Variants in RNF157 observed in about 807,000 individuals in gnomAD.
RNF157 encodes ring finger protein 157, also known as E3 ubiquitin ligase RNF157.
A neutral mutation model predicts 88.3 loss-of-function variants in RNF157; 55 were observed. The observed-to-expected ratio is 0.62, with a 90% CI of 0.50 to 0.78. The LOEUF (loss-of-function observed/expected upper bound fraction) is 0.78. Ranked by LOEUF, RNF157 falls within the 30% of genes least tolerant of loss-of-function variation. The probability of loss-of-function intolerance (pLI) is 0.00; values close to 1 mark genes in which losing one functional copy is unlikely to be tolerated. For synonymous variants in RNF157, 334 were observed against 341.2 expected, an observed-to-expected ratio of 0.98 and a Z score of 0.23; for missense variants, 788 against 860.8, an observed-to-expected ratio of 0.92 and a Z score of 1.06.
rs867275665 is a variant in RNF157 at position 76,167,994 on chromosome 17, C to T, written c.297-197G>A. On this transcript the variant is annotated intron_variant, in intron 3 of 18. Transcript: ENST00000269391. The stretch of plus-strand genomic sequence containing the variant: ...AGGTTACTTCTGGTATCTCATAGTG[C>T]TACCACTACACCATTGTGCATTTGG... Among the ~76,000 whole-genome samples the T allele has an allele frequency of 3.3e-5, 5 of 152,302 alleles. No homozygotes were observed. In the South Asian group the frequency reaches 6.2e-4, roughly 19 times the overall value.
rs759187382 is a variant in RNF157, at chr17:76,145,327, C to T, written c.1948G>A (p.Val650Ile). ...PGAWQADDNAVSRNAQRRRLS... is the reference protein window; with the variant it reads ...PGAWQADDNAISRNAQRRRLS... ...CGCCGGCGCTGGGCATTCCGACTGA[C>T]GGCATTGTCATCAGCCTGCCAGGCA... The change falls in exon 19 of 19, where the codon GTC becomes ATC. Residue 650 changes from valine to isoleucine, a missense_variant. By Grantham distance (29) the Val-to-Ile change is conservative. Coordinates refer to ENST00000269391, the MANE Select transcript of RNF157 (RefSeq NM_052916.3). The T allele has an allele frequency of 1.5e-5, 24 of 1,612,822 alleles. No homozygotes were observed. Among genetic ancestry groups the T allele is most frequent in the South Asian group, 1.2e-4 (11 of 90,808 alleles).
chr17:76,216,625 A>G (rs919081825), intron 1 of RNF157, among the ~76,000 whole-genome samples: 9 of 152,148 alleles, frequency 5.9e-5, no homozygotes, highest in Admixed American at 3.9e-4. Context: ...TGGTATATTC[A>G]GTCAGTAGAG....
intron 1 of RNF157, among the ~76,000 whole-genome samples, chr17:76,223,355 T>C (rs1598441685): frequency 6.6e-6 from 1 of 151,386 alleles, no homozygotes; most frequent in Admixed American, 6.6e-5. Context: ...ACCTGGCTAA[T>C]TTTTGTATTT....
intron 2 of RNF157, among the ~76,000 whole-genome samples, chr17:76,189,019 G>A (rs1218760748): frequency 2.6e-5 from 4 of 152,112 alleles, no homozygotes; most frequent in Non-Finnish European, 5.9e-5. Context: ...ACCTAGCCAA[G>A]TACATCTAAA....
chr17:76,167,041 T>C lies in RNF157; in HGVS notation c.529A>G (p.Thr177Ala). 1 of 1,611,806 alleles carries C rather than the reference T, an allele frequency of 6.2e-7. No homozygotes were observed. Among genetic ancestry groups the C allele is most frequent in the Non-Finnish European group, 8.5e-7 (1 of 1,179,660 alleles). Residue 177 changes from threonine (T) to alanine (A), a missense_variant, in exon 5 of 19, where the codon ACC (threonine) becomes GCC (alanine). By Grantham distance (58) the Thr-to-Ala change is moderately conservative. Coordinates refer to ENST00000269391, the MANE Select transcript of RNF157 (RefSeq NM_052916.3). ...TCGGCCCACTCGGAGGGATCCACGG[T>C]GTGGGAGGGCAGGCAGAACTGCTGA... ...VCQQFCLPSH[T>A]VDPSEWAEEE...
chr17:76,235,510 T>G lies in RNF157; in HGVS notation c.88+4643A>C, dbSNP rs139489743. 1.6e-4 allele frequency among the ~76,000 whole-genome samples: 24 copies of G among 152,326 alleles called. 1 individual carries two copies. In the East Asian group the frequency reaches 4.6e-3, roughly 29 times the overall value. ...ACTGCGCCCAGCCGTAAATTGCATA[T>G]TTTTAAGTGTATGGTTTCAAATCTA... On this transcript the variant is annotated intron_variant, in intron 1 of 18. Coordinates refer to ENST00000269391, the MANE Select transcript of RNF157 (RefSeq NM_052916.3).
In RNF157 at chr17:76,155,701, A is replaced by G. The variant is rs2068752686; in HGVS notation, c.1559T>C (p.Met520Thr). The change falls in exon 15 of 19, where the codon ATG (methionine) becomes ACG (threonine). Residue 520 changes from methionine to threonine, a missense_variant. Physicochemically the swap from Met to Thr is moderately conservative, Grantham distance 81. Coordinates refer to ENST00000269391, the MANE Select transcript of RNF157 (RefSeq NM_052916.3). ...GCTGATCTGGGAGGATGCCATGGAC[A>G]TGACAGACTGGGCCAAGCTGCTGCT... ...PASSSLAQSVMSMASSQISTD... is the reference protein window; with the variant it reads ...PASSSLAQSVTSMASSQISTD... The G allele has an allele frequency of 6.2e-6, 10 of 1,602,608 alleles. No individual in the cohort carries two copies. Among genetic ancestry groups the G allele is most frequent in the Admixed American group, 1.7e-5 (1 of 57,330 alleles).
intron 1 of RNF157, among the ~76,000 whole-genome samples, chr17:76,224,990 G>A (rs2145058919): frequency 6.6e-6 from 1 of 152,126 alleles, no homozygotes; most frequent in Non-Finnish European, 1.5e-5. Context: ...TGGCCAACAT[G>A]GTGAAACCCT....
chr17:76,178,459 C>G (rs928958559), intron 2 of RNF157, among the ~76,000 whole-genome samples: 2 of 152,258 alleles, frequency 1.3e-5, no homozygotes, highest in Admixed American at 1.3e-4. Context: ...ACACCCCTTG[C>G]TGCTCCATGC....
chr17:76,185,608 T>C (rs887358472), intron 2 of RNF157, among the ~76,000 whole-genome samples: 3 of 151,756 alleles, frequency 2.0e-5, no homozygotes, highest in African/African-American at 7.3e-5. Flanking sequence ...TAGCTGGGAC[T>C]ACAGGCACCC....
intron 12 of RNF157, among the ~76,000 whole-genome samples, 196 bp from the exon 13 acceptor site, chr17:76,158,697 G>C (rs997511607): frequency 6.6e-6 from 1 of 152,196 alleles, no homozygotes; most frequent in Non-Finnish European, 1.5e-5. Context: ...TAACAGAGGA[G>C]GAGTACAGCC....
intron 2 of RNF157, among the ~76,000 whole-genome samples, chr17:76,203,382 T>C (rs956944831): frequency 6.6e-6 from 1 of 152,030 alleles, no homozygotes; most frequent in African/African-American, 2.4e-5. Flanking sequence ...TTAACCAACA[T>C]GACAAAGTCA....
intron 15 of RNF157, 93 bp from the exon 16 acceptor site, chr17:76,155,410 G>A: frequency 2.0e-6 from 3 of 1,473,502 alleles, no homozygotes; most frequent in South Asian, 1.2e-5. Flanking sequence ...TGTCAAATAG[G>A]AGGGTCAGAC....
intron 18 of RNF157, among the ~76,000 whole-genome samples, chr17:76,150,077 T>C (rs191891681): frequency 2.0e-5 from 3 of 152,226 alleles, no homozygotes; most frequent in African/African-American, 7.2e-5. Flanking sequence ...ATCCTTTCCA[T>C]TGTCCTTGCC....
chr17:76,158,823 G>A (rs948707961), intron 12 of RNF157, among the ~76,000 whole-genome samples: 23 of 152,138 alleles, frequency 1.5e-4, no homozygotes, highest in Non-Finnish European at 3.1e-4. Context: ...TGTCAGAAGC[G>A]CTAAGTTTTA....
At chr17:76,220,385 T>TAA (rs34888046) in intron 1 of RNF157, among the ~76,000 whole-genome samples, 2 of 128,726 alleles carry the variant, frequency 1.6e-5, no homozygotes, top group African/African-American at 2.7e-5. Context: ...TAATGATATC[T>TAA]AAAAAAAAAA....
chr17:76,233,894 G>A (rs1408669146), intron 1 of RNF157, among the ~76,000 whole-genome samples: 5 of 152,166 alleles, frequency 3.3e-5, no homozygotes, highest in Admixed American at 2.0e-4. Flanking sequence ...CCTATTTAGT[G>A]TGTACAATCC....
intron 2 of RNF157, among the ~76,000 whole-genome samples, chr17:76,187,584 T>C (rs2069314668): frequency 6.6e-6 from 1 of 151,672 alleles, no homozygotes; most frequent in African/African-American, 2.4e-5. Context: ...CTGATAGTTT[T>C]ATTTTATTTA....
At chr17:76,182,610 GTGTGT>G (rs2069208489) in intron 2 of RNF157, among the ~76,000 whole-genome samples, 9 of 151,100 alleles carry the variant, frequency 6.0e-5, no homozygotes, top group African/African-American at 2.2e-4. Context: ...ATCTTACTCT[GTGTGT>G]AAATTATTAG....
Sources: gnomAD v4.1 joint callset for allele counts (sites outside exome capture counted in the v4.1 genomes callset) on GRCh38, gnomAD v4.1.1 for gene constraint, MANE v1.5 for transcripts, NCBI Gene and HGNC (gene_info 2026-07-23, HGNC 2026-07-21) for gene names.